HS1BP3: variants seen among roughly 807,000 people sequenced by gnomAD.
The protein encoded by HS1BP3 is HCLS1 binding protein 3.
In HS1BP3, 32 loss-of-function variants were observed where a neutral mutation model predicts 33.5. That is an observed-to-expected ratio of 0.95 (90% confidence interval 0.72 to 1.28). HS1BP3 has a LOEUF of 1.28. HS1BP3 is among the 50% of genes most tolerant of loss of function. The probability of loss-of-function intolerance (pLI) is 0.00; values close to 1 mark genes in which losing one functional copy is unlikely to be tolerated. For missense variants in HS1BP3, 486 were observed against 502.3 expected (o/e 0.97, Z 0.31); for synonymous variants, 187 against 209.2 (o/e 0.89, Z 0.92).
chr2:20,640,416 G>T, intron 3 of HS1BP3: 1 of 215,036 alleles, frequency 4.7e-6, no homozygotes, highest in South Asian at 1.8e-4. Context: ...ACAGGGCCAG[G>T]ACACCCATGG....
chr2:20,575,771 C>T (rs989156933), intron 5 of HS1BP3, among the ~76,000 whole-genome samples: 1 of 128,788 alleles, frequency 7.8e-6, no homozygotes, highest in East Asian at 2.3e-4. Context: ...CCCCCCCCCC[C>T]CCCTTCAGGC....
rs1036704243 is a variant in HS1BP3, at chr2:20,641,037, C to T, written c.342G>A (p.Glu114=). The change falls in exon 3 of 7, where the codon GAG becomes GAA. Residue 114 remains glutamate (E), a synonymous_variant. Coordinates refer to ENST00000304031, the MANE Select transcript of HS1BP3 (RefSeq NM_022460.4). ...CATCCTTGGAGACACAGCGCAGGATCTCATTGAACACGGCTCTCCTCTCCC... is the reference window on the plus strand; with the variant it reads ...CATCCTTGGAGACACAGCGCAGGATTTCATTGAACACGGCTCTCCTCTCCC... ...DIRERRAVFN[E]ILRCVSKDAE... is the part of the protein sequence containing the mutation. 7 of 1,614,224 alleles carry T rather than the reference C, an allele frequency of 4.3e-6. No homozygotes were observed. The highest frequency in any genetic ancestry group is 5.9e-6 in the Non-Finnish European group (7 of 1,180,046).
chr2:20,591,129 T>TAGCTTAC (rs1693802918), downstream of HS1BP3: 1 of 167,158 alleles, frequency 6.0e-6, no homozygotes, highest in Non-Finnish European at 1.5e-5. Context: ...CAGGCCCTGA[T>TAGCTTAC]AGCTTACAGC....
chr2:20,628,218 GC>G (rs1226745430), intron 4 of HS1BP3, among the ~76,000 whole-genome samples: 2 of 152,126 alleles, frequency 1.3e-5, no homozygotes, highest in Non-Finnish European at 2.9e-5. Context: ...AAGAACCTGT[GC>G]TGGGGACGAG....
chr2:20,626,025 C>G (rs543568914), intron 4 of HS1BP3, among the ~76,000 whole-genome samples: 1 of 152,152 alleles, frequency 6.6e-6, no homozygotes, highest in African/African-American at 2.4e-5. Flanking sequence ...TGTGCCTGTC[C>G]GCCTGGCGGG....
chr2:20,583,970 A>C (rs926562442), intron 5 of HS1BP3, among the ~76,000 whole-genome samples: 1 of 152,170 alleles, frequency 6.6e-6, no homozygotes, highest in African/African-American at 2.4e-5. Context: ...GAATGTCACC[A>C]TATTTGGTGC....
Position 20,595,243 on chromosome 2 carries a change from C to T in HS1BP3, c.*13-2449G>A, listed in dbSNP as rs16987874. Among the ~76,000 whole-genome samples the T allele has an allele frequency of 3.2e-3, 481 of 152,232 alleles. 3 individuals are homozygous for T. The highest frequency in any genetic ancestry group is 0.011 in the African/African-American group (438 of 41,530). ...TGTGACCCACAGAAACGCCATGGCC[C>T]GGGAACAGAGCTGTGTCTACCCTGG... is the stretch of plus-strand genomic sequence containing the variant. On this transcript the variant is annotated intron_variant, in intron 3 of 3. Transcript: ENST00000415264.
chr2:20,583,380 G>A (rs531023789), intron 5 of HS1BP3, among the ~76,000 whole-genome samples: 1 of 140,792 alleles, frequency 7.1e-6, no homozygotes, highest in South Asian at 2.1e-4. Flanking sequence ...TATGGGGGCA[G>A]CTTACTGGGT....
chr2:20,599,918 C>G lies in HS1BP3; in HGVS notation c.179-1653G>C, dbSNP rs140557388. ...CAAGAAGTTCCACTCTGTGAAGTCA[C>G]AGGCAGCCTGTCTGCCTGCGTTCCT... On this transcript the variant is annotated intron_variant, in intron 2 of 3. Coordinates refer to the HS1BP3 transcript ENST00000415264. Among the ~76,000 whole-genome samples the G allele has an allele frequency of 4.1e-4, 62 of 152,294 alleles. 1 individual carries two copies. In the East Asian group the frequency reaches 0.01, roughly 25 times the overall value.
At chr2:20,634,585 C>T (rs1572353558) in intron 4 of HS1BP3, 1 of 152,330 alleles carries the variant, frequency 6.6e-6, no homozygotes, top group Middle Eastern at 3.4e-3. Context: ...GCCCTGCTGT[C>T]CCCACAGAGC....
Position 20,574,673 on chromosome 2 carries a change from C to T in HS1BP3, c.303-14158G>A, listed in dbSNP as rs567336518. Reference sequence around the variant, plus strand: ...TGAGATGACAGTGACCTGGCCAGCCCCACTCAGTGGGCACCTGGCTTCCCC... The same window carrying T: ...TGAGATGACAGTGACCTGGCCAGCCTCACTCAGTGGGCACCTGGCTTCCCC... On this transcript the variant is annotated intron_variant, in intron 5 of 5. Coordinates refer to the HS1BP3 transcript ENST00000446825. 2.6e-4 allele frequency among the ~76,000 whole-genome samples: 39 copies of T among 152,302 alleles called. No homozygotes were observed. In the South Asian group the frequency reaches 7.7e-3, roughly 30 times the overall value.
Position 20,606,522 on chromosome 2 carries a change from T to G in HS1BP3, c.179-8257A>C, listed in dbSNP as rs1694180489. ...GTTTTGTCAAACAAAACTAAGTTAT[T>G]GGGCTTGTCCCGAACTATGTCTTTG... On this transcript the variant is annotated intron_variant, in intron 2 of 3. Transcript: ENST00000415264. The G allele has an allele frequency of 1.5e-5, 7 of 469,504 alleles. No individual in the cohort carries two copies. In the Admixed American group the frequency reaches 1.7e-4, roughly 11 times the overall value. The allele number at this position is 469,504 out of a possible 1,614,324, so 29.1% of individuals were successfully genotyped here. A position where few individuals can be genotyped will look rare whatever the true frequency, so the allele number is the denominator to read the frequency against.
At chr2:20,645,219 A>G (rs1695480303) in intron 2 of HS1BP3, 121 bp downstream of exon 2, 5 of 989,630 alleles carry the variant, frequency 5.1e-6, no homozygotes, top group Non-Finnish European at 7.4e-6. Flanking sequence ...CCAGGCCCTG[A>G]GCAAGCAACA....
At chr2:20,572,980 A>G (rs1693311751) in intron 5 of HS1BP3, among the ~76,000 whole-genome samples, 1 of 152,244 alleles carries the variant, frequency 6.6e-6, no homozygotes, top group African/African-American at 2.4e-5. Context: ...TAGCCACCGC[A>G]ACATAGAGAA....
At chr2:20,562,357 T>C (rs1283798915) in intron 5 of HS1BP3, among the ~76,000 whole-genome samples, 3 of 152,150 alleles carry the variant, frequency 2.0e-5, no homozygotes, top group African/African-American at 7.2e-5. Flanking sequence ...CATGTGCCTA[T>C]AGTCCCAGCT....
intron 5 of HS1BP3, among the ~76,000 whole-genome samples, chr2:20,573,561 C>T (rs537867102): frequency 1.3e-5 from 2 of 152,248 alleles, no homozygotes; most frequent in Admixed American, 6.5e-5. Flanking sequence ...AGGCCTGGCT[C>T]GGGCTGGGCC....
chr2:20,605,677 A>T (rs1280770700), intron 2 of HS1BP3, among the ~76,000 whole-genome samples: 1 of 152,206 alleles, frequency 6.6e-6, no homozygotes, highest in Non-Finnish European at 1.5e-5. Context: ...ATGGTATCCT[A>T]CAATGTGTGA....
chr2:20,558,608 A>C (rs1168394345), downstream of HS1BP3, among the ~76,000 whole-genome samples: 1 of 152,164 alleles, frequency 6.6e-6, no homozygotes, highest in Non-Finnish European at 1.5e-5. Flanking sequence ...GGGATGGAGA[A>C]CTGTGAATTC....
At chr2:20,639,348 A>G (rs577481742) in intron 3 of HS1BP3, among the ~76,000 whole-genome samples, 3 of 152,264 alleles carry the variant, frequency 2.0e-5, no homozygotes, top group Admixed American at 6.5e-5. Flanking sequence ...TGCCATCATC[A>G]CAATACCCAA....
Sources: gnomAD v4.1 joint callset for allele counts (sites outside exome capture counted in the v4.1 genomes callset) on GRCh38, gnomAD v4.1.1 for gene constraint, MANE v1.5 for transcripts, NCBI Gene and HGNC (gene_info 2026-07-23, HGNC 2026-07-21) for gene names.